PHF21B: variants seen among roughly 807,000 people sequenced by gnomAD.
The protein encoded by PHF21B is PHD finger protein 4.
Under a neutral mutation model 62.2 loss-of-function variants are expected in PHF21B, and 22 were observed. The observed-to-expected ratio is 0.35, with a 90% CI of 0.25 to 0.51. The LOEUF (loss-of-function observed/expected upper bound fraction) is 0.51, where lower values mean the gene tolerates loss of function less well. Ranked by LOEUF, PHF21B falls within the 20% of genes least tolerant of loss-of-function variation. PHF21B has a pLI of 0.97. For missense variants in PHF21B, 701 were observed against 707.9 expected (o/e 0.99, Z 0.11); for synonymous variants, 341 against 314.7 (o/e 1.08, Z -0.88).
At chr22:44,942,755 G>C (rs190152180) in intron 2 of PHF21B, among the ~76,000 whole-genome samples, 1,535 of 152,288 alleles carry the variant, frequency 0.01, 15 homozygotes, top group Non-Finnish European at 0.015. Flanking sequence ...GACCACCCAG[G>C]CTTCCCTGGG....
intron 2 of PHF21B, among the ~76,000 whole-genome samples, chr22:44,988,599 G>C (rs769585017): frequency 1.3e-5 from 2 of 152,218 alleles, no homozygotes; most frequent in Non-Finnish European, 2.9e-5. Context: ...ATTTGTGTCT[G>C]ATGCTTATTA....
intron 2 of PHF21B, among the ~76,000 whole-genome samples, chr22:44,931,573 A>G (rs540467143): frequency 7.6e-5 from 11 of 145,420 alleles, no homozygotes; most frequent in African/African-American, 2.8e-4. Context: ...ATGTAATTTT[A>G]TGCTATTTAG....
At chr22:44,917,586 G>A (rs961304887) in intron 3 of PHF21B, among the ~76,000 whole-genome samples, 8 of 152,206 alleles carry the variant, frequency 5.3e-5, no homozygotes, top group African/African-American at 7.2e-5. Flanking sequence ...CGCTGCGCTC[G>A]CACTGCAGGG....
Position 44,920,415 on chromosome 22 carries a change from C to T in PHF21B, c.196G>A (p.Ala66Thr), listed in dbSNP as rs1248679745. ...SSLQRLAGQG[A>T]AVLPQVRPKT... ...CTGCTTACCTGAGGTAGCACTGCCG[C>T]TCCTTGCCCGGCCAACCTCTGCAAG... The change falls in exon 3 of 13, where the codon GCG (alanine) becomes ACG (threonine). Residue 66 changes from alanine to threonine, a missense_variant. Ala to Thr is a moderately conservative substitution (Grantham distance 58). Transcript: ENST00000313237. The T allele has an allele frequency of 1.2e-6, 2 of 1,611,850 alleles. No individual in the cohort carries two copies. The highest frequency in any genetic ancestry group is 1.7e-6 in the Non-Finnish European group (2 of 1,178,802).
intron 2 of PHF21B, 150 bp from the exon 3 acceptor site, chr22:44,920,640 T>C: frequency 1.9e-6 from 1 of 532,858 alleles, no homozygotes; most frequent in East Asian, 3.1e-5. Flanking sequence ...AAAATCACAA[T>C]AGTAATCGAT....
intron 2 of PHF21B, among the ~76,000 whole-genome samples, chr22:44,994,219 G>C (rs1201765476): frequency 6.6e-6 from 1 of 152,212 alleles, no homozygotes; most frequent in Admixed American, 6.5e-5. Flanking sequence ...CTAGAACCTT[G>C]GAACATGACC....
intron 2 of PHF21B, among the ~76,000 whole-genome samples, chr22:44,938,435 T>C (rs112231660): frequency 8.4e-4 from 128 of 152,364 alleles, no homozygotes; most frequent in Middle Eastern, 3.4e-3. Context: ...GGTTTCTCCA[T>C]GTTGGCCAGG....
intron 2 of PHF21B, among the ~76,000 whole-genome samples, chr22:44,949,905 T>G (rs1332550443): frequency 3.9e-5 from 6 of 152,216 alleles, no homozygotes; most frequent in African/African-American, 1.4e-4. Flanking sequence ...TACTTTAACG[T>G]GACTGATCAT....
intron 5 of PHF21B, among the ~76,000 whole-genome samples, chr22:44,911,410 T>C (rs1389347740): frequency 6.6e-6 from 1 of 152,144 alleles, no homozygotes; most frequent in African/African-American, 2.4e-5. Flanking sequence ...ATTGTAGGCC[T>C]AGAGGTTTAG....
chr22:44,976,713 A>C (rs537904365), intron 2 of PHF21B, among the ~76,000 whole-genome samples: 34 of 152,246 alleles, frequency 2.2e-4, no homozygotes, highest in Non-Finnish European at 4.0e-4. Flanking sequence ...TGAGGCAGGA[A>C]GCCCCACACC....
At chr22:44,930,161 G>A (rs1443386816) in intron 2 of PHF21B, among the ~76,000 whole-genome samples, 1 of 152,364 alleles carries the variant, frequency 6.6e-6, no homozygotes, top group Non-Finnish European at 1.5e-5. Flanking sequence ...GGCAAAGCCA[G>A]CACTGGGGCG....
At chr22:44,965,606 G>C (rs1053151490) in intron 2 of PHF21B, among the ~76,000 whole-genome samples, 2 of 152,148 alleles carry the variant, frequency 1.3e-5, no homozygotes, top group Non-Finnish European at 2.9e-5. Context: ...AGCACCCCGA[G>C]CTGAGACGAT....
At chr22:44,933,557 G>A (rs2071783830) in intron 2 of PHF21B, 15 of 984,804 alleles carry the variant, frequency 1.5e-5, no homozygotes, top group Non-Finnish European at 1.8e-5. Context: ...AGAACGTGCT[G>A]CCCGCAACTC....
At chr22:44,958,833 G>A (rs1034064419) in intron 2 of PHF21B, among the ~76,000 whole-genome samples, 3 of 151,912 alleles carry the variant, frequency 2.0e-5, no homozygotes, top group Non-Finnish European at 4.4e-5. Flanking sequence ...TAGAGACGGG[G>A]TTTCACCATG....
chr22:44,928,839 G>T (rs1488055056), intron 2 of PHF21B, among the ~76,000 whole-genome samples: 1 of 152,222 alleles, frequency 6.6e-6, no homozygotes, highest in Non-Finnish European at 1.5e-5. Context: ...AGGCTCTCCA[G>T]AGTCTTCACC....
chr22:44,938,904 C>T (rs976055584), intron 2 of PHF21B, among the ~76,000 whole-genome samples: 2 of 152,188 alleles, frequency 1.3e-5, no homozygotes, highest in South Asian at 4.1e-4. Context: ...ACTCGTGTCT[C>T]GCTTCTCTGC....
Position 45,009,753 on chromosome 22 carries a change from T to G in PHF21B, c.-204A>C. On this transcript the variant is annotated 5_prime_UTR_variant, in exon 1 of 13. Coordinates refer to ENST00000313237, the MANE Select transcript of PHF21B (RefSeq NM_138415.5). The surrounding 1 kb of genome is among the most constrained non-coding windows in gnomAD (Gnocchi z 5.9). ...TTCCGGGCGCCGCGGCGCCGAGCCC[T>G]CGGCTGCCCCAACTCCTCAGGCTGC... 1 of 434,560 alleles carries G rather than the reference T, an allele frequency of 2.3e-6. No homozygotes were observed. The highest frequency in any genetic ancestry group is 4.0e-6 in the Non-Finnish European group (1 of 247,624). The allele number at this position is 434,560 out of a possible 1,614,324, so 26.9% of individuals were successfully genotyped here. A position where few individuals can be genotyped will look rare whatever the true frequency, so the allele number is the denominator to read the frequency against.
At chr22:44,995,493 G>A (rs1400167257) in intron 2 of PHF21B, among the ~76,000 whole-genome samples, 1 of 152,122 alleles carries the variant, frequency 6.6e-6, no homozygotes, top group Non-Finnish European at 1.5e-5. Flanking sequence ...CACCCTTGAA[G>A]AGTCCCGAGG....
chr22:44,888,003 G>T lies in PHF21B; in HGVS notation c.1157C>A (p.Ala386Glu), dbSNP rs1167081171. 2 of 1,570,048 alleles carry T rather than the reference G, an allele frequency of 1.3e-6. No individual in the cohort carries two copies. Among genetic ancestry groups the T allele is most frequent in the African/African-American group, 2.7e-5 (2 of 74,324 alleles). The change falls in exon 10 of 13, where the codon GCG (alanine) becomes GAG (glutamate). Residue 386 changes from alanine (A) to glutamate (E), a missense_variant. Coordinates refer to ENST00000313237, the MANE Select transcript of PHF21B (RefSeq NM_138415.5). ...GGGGCACACCCACACGCCCTTGGGC[G>T]CCGTCTTGAGGGGCGGCTCCAGGCA... Reference protein sequence around the residue: ...LSCLEPPLKTAPKGVWVCPRC... With the variant: ...LSCLEPPLKTEPKGVWVCPRC...
Sources: allele counts gnomAD v4.1 joint callset (sites outside exome capture counted in the v4.1 genomes callset), GRCh38; gene constraint gnomAD v4.1.1; non-coding constraint Gnocchi (gnomAD v3.1); transcripts MANE v1.5; gene names NCBI Gene and HGNC (gene_info 2026-07-23, HGNC 2026-07-21).